PPP6R1: variants seen among roughly 807,000 people sequenced by gnomAD.
PPP6R1 encodes the protein protein phosphatase 6 regulatory subunit 1, also known as serine/threonine-protein phosphatase 6 regulatory subunit 1.
A neutral mutation model predicts 104.6 loss-of-function variants in PPP6R1; 39 were observed. The observed-to-expected ratio is 0.37, with a 90% CI of 0.29 to 0.49. The LOEUF is 0.49. Among genes scored for constraint, PPP6R1 ranks in the 20% least tolerant of loss-of-function variants. The probability of loss-of-function intolerance (pLI) is 0.98; values close to 1 mark genes in which losing one functional copy is unlikely to be tolerated. For synonymous variants in PPP6R1, 549 were observed against 479.0 expected, an observed-to-expected ratio of 1.15 and a Z score of -1.91; for missense variants, 1,181 against 1,155.8, an observed-to-expected ratio of 1.02 and a Z score of -0.32.
At chr19:55,234,998 G>A (rs1251529406) in intron 17 of PPP6R1, among the ~76,000 whole-genome samples, 1 of 152,170 alleles carries the variant, frequency 6.6e-6, no homozygotes, top group African/African-American at 2.4e-5. Flanking sequence ...CACTGAGGAA[G>A]GATATCCATT....
At position 55,230,382 on chromosome 19, in the gene PPP6R1, A is replaced by G; in HGVS notation, c.*146T>C. The G allele has an allele frequency of 7.8e-7, 1 of 1,279,124 alleles. No homozygotes were observed. Among genetic ancestry groups the G allele is most frequent in the Middle Eastern group, 2.7e-4 (1 of 3,734 alleles). The allele number at this position is 1,279,124 out of a possible 1,614,324, so 79.2% of individuals were successfully genotyped here. On this transcript the variant is annotated 3_prime_UTR_variant, in exon 24 of 24. Transcript: ENST00000412770. Reference sequence around the variant, plus strand: ...GGTGGGTTGGGCCTGTCTCCCTGGCACCAGCCTCCTGGGGGTCCAGAGGAG... The same window carrying G: ...GGTGGGTTGGGCCTGTCTCCCTGGCGCCAGCCTCCTGGGGGTCCAGAGGAG...
rs745575489 is a variant in PPP6R1, at chr19:55,245,213, C to T, written c.553-28G>A. 4.4e-6 allele frequency: 7 copies of T among 1,608,560 alleles called. No individual in the cohort carries two copies. Among genetic ancestry groups the T allele is most frequent in the South Asian group, 3.3e-5 (3 of 90,146 alleles). The stretch of plus-strand genomic sequence containing the variant: ...GAGGGTGAGAAGGCGAGGGATGCAT[C>T]GCTGTCCACCACGCCCAGCCCCCCA... On this transcript the variant is annotated intron_variant, in intron 4 of 23. Transcript: ENST00000412770. The surrounding 1 kb of genome is among the most constrained non-coding windows in gnomAD (Gnocchi z 6.4).
In PPP6R1 at chr19:55,242,179, G is replaced by A. The variant is rs775261948; in HGVS notation, c.832C>T (p.Pro278Ser). Reference sequence around the variant, plus strand: ...CGTATCCCTCACCTCGGCCTCCTGGGCTCCAGCAGGGTCAGCAGCACCTGG... The same window carrying A: ...CGTATCCCTCACCTCGGCCTCCTGGACTCCAGCAGGGTCAGCAGCACCTGG... ...GIQVLLTLLE[P>S]RRPRSESVTV... The change falls in exon 7 of 24, where the codon CCC (proline) becomes TCC (serine). Residue 278 changes from proline (P) to serine (S), a missense_variant. Transcript: ENST00000412770. The A allele has an allele frequency of 9.3e-6, 15 of 1,613,290 alleles. No homozygotes were observed. In the Admixed American group the frequency reaches 2.3e-4, roughly 25 times the overall value.
intron 1 of PPP6R1, among the ~76,000 whole-genome samples, chr19:55,251,143 CACT>C (rs1364916956): frequency 2.0e-5 from 3 of 152,194 alleles, no homozygotes; most frequent in African/African-American, 7.2e-5. Flanking sequence ...CTTTGTCCAC[CACT>C]GTCTCCCTGT....
chr19:55,257,756 C>T (rs189049207), intron 1 of PPP6R1, among the ~76,000 whole-genome samples: 11 of 152,244 alleles, frequency 7.2e-5, no homozygotes, highest in African/African-American at 2.7e-4. Context: ...TGCCTTTGTA[C>T]CCCCTCCAGG....
intron 1 of PPP6R1, among the ~76,000 whole-genome samples, chr19:55,251,146 T>C (rs1400330213): frequency 2.0e-5 from 3 of 152,182 alleles, no homozygotes; most frequent in Non-Finnish European, 4.4e-5. Flanking sequence ...TGTCCACCAC[T>C]GTCTCCCTGT....
Position 55,239,989 on chromosome 19 carries a change from G to A in PPP6R1, c.1477+10C>T, listed in dbSNP as rs777039288. On this transcript the variant is annotated intron_variant, in intron 12 of 23. Coordinates refer to ENST00000412770, the MANE Select transcript of PPP6R1 (RefSeq NM_014931.4). ...CCACCTAGCCCTCAGGCCGGCCTGG[G>A]GACCCTCACCCTTCAGCAGCTGCCG... 1.9e-6 allele frequency: 3 copies of A among 1,607,150 alleles called. No individual in the cohort carries two copies. The East Asian group carries it at 6.7e-5, about 36-fold the overall frequency.
At position 55,236,621 on chromosome 19, in the gene PPP6R1, G is replaced by A. The variant is rs918541196; in HGVS notation, c.1988+22C>T. On this transcript the variant is annotated intron_variant, in intron 17 of 23. Coordinates refer to ENST00000412770, the MANE Select transcript of PPP6R1 (RefSeq NM_014931.4). ...TGCCGTGTGGTGGAAGCTTGGAGAA[G>A]GGAAACTGGAGGGGGACTCACCGGA... 4 of 1,504,920 alleles carry A rather than the reference G, an allele frequency of 2.7e-6. No individual in the cohort carries two copies. In the South Asian group the frequency reaches 5.4e-5, roughly 20 times the overall value. The allele number at this position is 1,504,920 out of a possible 1,614,324, so 93.2% of individuals were successfully genotyped here.
intron 1 of PPP6R1, among the ~76,000 whole-genome samples, chr19:55,253,995 A>G (rs1204466156): frequency 6.6e-6 from 1 of 152,200 alleles, no homozygotes; most frequent in African/African-American, 2.4e-5. Flanking sequence ...CAGCAGGTGC[A>G]AGTCTCTTCC....
chr19:55,255,473 A>G (rs1399779624), intron 1 of PPP6R1, among the ~76,000 whole-genome samples: 2 of 152,142 alleles, frequency 1.3e-5, no homozygotes, highest in Admixed American at 6.6e-5. Context: ...ACCGAGCCCC[A>G]GTTTCCTTAT....
chr19:55,252,553 AC>A lies in PPP6R1; in HGVS notation c.-6-5445del, dbSNP rs1398471318. Among the ~76,000 whole-genome samples, 4 of 151,858 alleles carry A rather than the reference AC, an allele frequency of 2.6e-5. 1 individual carries two copies. The highest frequency in any genetic ancestry group is 5.9e-5 in the Non-Finnish European group (4 of 67,952). ...TGGGATTACAGGAGTGCGCCACCAC[AC>A]CCAGCTAATTTTTGTGTGTGTTTTT... On this transcript the variant is annotated intron_variant, in intron 1 of 23. Coordinates refer to ENST00000412770, the MANE Select transcript of PPP6R1 (RefSeq NM_014931.4).
chr19:55,257,188 T>C (rs1207980705), intron 1 of PPP6R1, among the ~76,000 whole-genome samples: 1 of 152,148 alleles, frequency 6.6e-6, no homozygotes, highest in East Asian at 1.9e-4. Context: ...TCCATGTGTG[T>C]TGTGCATGTA....
In PPP6R1 at chr19:55,241,362, C is replaced by G. The variant is rs756458662; in HGVS notation, c.1038G>C (p.Met346Ile). ...GCGTGTTGCCCAGAGGCGGAGCCAGCATGCCCCATGTCATCTGTAGCGGCT... is the reference window on the plus strand; with the variant it reads ...GCGTGTTGCCCAGAGGCGGAGCCAGGATGCCCCATGTCATCTGTAGCGGCT... ...KLEPLQMTWG[M>I]LAPPLGNTRL... Residue 346 changes from methionine to isoleucine, a missense_variant, in exon 9 of 24, where the codon ATG (methionine) becomes ATC (isoleucine). Physicochemically the swap from Met to Ile is conservative, Grantham distance 10. Around this residue, in one of 2 missense-constraint regions of PPP6R1, gnomAD observed 1,042 missense variants for 955.6 expected, o/e 1.09. Transcript: ENST00000412770. The surrounding 1 kb of genome is among the most constrained non-coding windows in gnomAD (Gnocchi z 5.4). 6.2e-7 allele frequency: 1 copy of G among 1,611,006 alleles called. No homozygotes were observed. The highest frequency in any genetic ancestry group is 8.5e-7 in the Non-Finnish European group (1 of 1,179,382).
chr19:55,236,762 A>G lies in PPP6R1; in HGVS notation c.1869T>C (p.Asp623=). ...YKDRIQQFDD[D]EEEEDEEEAQ... ...CCTCTTCCTCGTCCTCCTCTTCCTC[A>G]TCATCATCAAACTGCTGGATGCGGT... The change falls in exon 17 of 24, where the codon GAT becomes GAC. Residue 623 remains aspartate, a synonymous_variant. Coordinates refer to ENST00000412770, the MANE Select transcript of PPP6R1 (RefSeq NM_014931.4). 6.2e-7 allele frequency: 1 copy of G among 1,613,804 alleles called. No individual in the cohort carries two copies. Among genetic ancestry groups the G allele is most frequent in the Admixed American group, 1.7e-5 (1 of 60,012 alleles).
At chr19:55,231,383 A>C in intron 21 of PPP6R1, 27 bp downstream of exon 21, 16 of 1,561,616 alleles carry the variant, frequency 1.0e-5, no homozygotes, top group Non-Finnish European at 1.4e-5. Flanking sequence ...TTCTCCCGAT[A>C]CTAGGCAGCC....
At position 55,245,701 on chromosome 19, in the gene PPP6R1, T is replaced by A; in HGVS notation, c.228-23A>T. ...TACCTGGGAGGCAAGCACAGGCGGGTGGGGGCTCGGGTCGGAGGCCGGGGG... is the reference window on the plus strand; with the variant it reads ...TACCTGGGAGGCAAGCACAGGCGGGAGGGGGCTCGGGTCGGAGGCCGGGGG... On this transcript the variant is annotated intron_variant, in intron 2 of 23. Transcript: ENST00000412770. This position sits in a 1 kb window ranked among gnomAD's most constrained non-coding sequence, Gnocchi z 6.4. 7.1e-7 allele frequency: 1 copy of A among 1,409,830 alleles called. No individual in the cohort carries two copies. Among genetic ancestry groups the A allele is most frequent in the Non-Finnish European group, 9.6e-7 (1 of 1,041,296 alleles). The allele number at this position is 1,409,830 out of a possible 1,614,324, so 87.3% of individuals were successfully genotyped here. A position where few individuals can be genotyped will look rare whatever the true frequency, so the allele number is the denominator to read the frequency against.
intron 1 of PPP6R1, among the ~76,000 whole-genome samples, chr19:55,252,533 T>A (rs2087561913): frequency 6.6e-6 from 1 of 151,974 alleles, no homozygotes; most frequent in African/African-American, 2.4e-5. Flanking sequence ...GTACCTGGGA[T>A]TACAGGAGTG....
At chr19:55,242,620 G>A (rs932635104) in intron 5 of PPP6R1, 132 bp from the exon 6 acceptor site, 12 of 737,542 alleles carry the variant, frequency 1.6e-5, no homozygotes, top group African/African-American at 1.2e-4. Flanking sequence ...CACGTGTTAC[G>A]AAGGAGGAGG....
chr19:55,250,000 G>A (rs750384554), intron 1 of PPP6R1, among the ~76,000 whole-genome samples: 1 of 152,182 alleles, frequency 6.6e-6, no homozygotes, highest in Non-Finnish European at 1.5e-5. Context: ...TGGGGAGGCC[G>A]TGCCCCATGC....
Sources: gnomAD v4.1 joint callset for allele counts (sites outside exome capture counted in the v4.1 genomes callset) on GRCh38, gnomAD v4.1.1 for gene constraint, gnomAD v4.1.1 regional missense constraint, Gnocchi (gnomAD v3.1) non-coding constraint, MANE v1.5 for transcripts, NCBI Gene and HGNC (gene_info 2026-07-23, HGNC 2026-07-21) for gene names.